SLC38A9: variants seen among roughly 807,000 people sequenced by gnomAD.
SLC38A9 encodes neutral amino acid transporter 9.
A neutral mutation model predicts 62.3 loss-of-function variants in SLC38A9; 48 were observed. That is an observed-to-expected ratio of 0.77 (90% confidence interval 0.61 to 0.98). The LOEUF (loss-of-function observed/expected upper bound fraction) is 0.98. SLC38A9 is among the 50% of genes least tolerant of loss of function. The pLI is 0.00. For missense variants in SLC38A9, 541 were observed against 679.8 expected (o/e 0.80, Z 2.27); for synonymous variants, 204 against 227.7 (o/e 0.90, Z 0.94).
chr5:55,635,357 T>C (rs1744183321), intron 13 of SLC38A9, 187 bp downstream of exon 13: 2 of 627,992 alleles, frequency 3.2e-6, no homozygotes, highest in Non-Finnish European at 5.7e-6. Flanking sequence ...TACTATTTAA[T>C]GGAAAAGAAA....
chr5:55,637,901 C>A (rs1332414222), intron 12 of SLC38A9, among the ~76,000 whole-genome samples: 1 of 152,028 alleles, frequency 6.6e-6, no homozygotes, highest in African/African-American at 2.4e-5. Context: ...TTTTTAGTTC[C>A]AAATTGCAGG....
Position 55,669,662 on chromosome 5 carries a change from C to T in SLC38A9, c.369-42G>A, listed in dbSNP as rs200559668. ...ATAGCAGTAAAAAAATGGAGTTTCACTCTTCAAACATTTTAATTGAGACAA... is the reference window on the plus strand; with the variant it reads ...ATAGCAGTAAAAAAATGGAGTTTCATTCTTCAAACATTTTAATTGAGACAA... On this transcript the variant is annotated intron_variant, in intron 5 of 15. Coordinates refer to ENST00000396865, the MANE Select transcript of SLC38A9 (RefSeq NM_173514.4). 7.3e-5 allele frequency: 116 copies of T among 1,592,136 alleles called. No homozygotes were observed. In the East Asian group the frequency reaches 1.5e-3, roughly 20 times the overall value.
intron 8 of SLC38A9, among the ~76,000 whole-genome samples, chr5:55,663,453 G>A (rs945742226): frequency 6.6e-6 from 1 of 151,888 alleles, no homozygotes; most frequent in Admixed American, 6.6e-5. Flanking sequence ...AAGATGCTTG[G>A]GGCCAGGTGC....
intron 12 of SLC38A9, among the ~76,000 whole-genome samples, chr5:55,638,242 T>G (rs1409384263): frequency 1.3e-5 from 2 of 152,140 alleles, no homozygotes; most frequent in African/African-American, 2.4e-5. Context: ...AGTATACACA[T>G]ATGTGGGCTT....
chr5:55,644,283 A>T (rs13188641), intron 12 of SLC38A9, among the ~76,000 whole-genome samples: 90,152 of 151,656 alleles, frequency 0.59, 27,424 homozygotes, highest in South Asian at 0.7. Context: ...TTAACTGCAG[A>T]GTCTTTTAAT....
At chr5:55,705,447 AAAAAG>A (rs1757164472) in intron 2 of SLC38A9, among the ~76,000 whole-genome samples, 1 of 150,906 alleles carries the variant, frequency 6.6e-6, no homozygotes, top group Non-Finnish European at 1.5e-5. Context: ...TACAAAAAAA[AAAAAG>A]AAAGAAAGAA....
intron 3 of SLC38A9, among the ~76,000 whole-genome samples, chr5:55,683,885 T>TAATCCC (rs1753388500): frequency 6.6e-6 from 1 of 152,226 alleles, no homozygotes; most frequent in East Asian, 1.9e-4. Context: ...TGTGCATACA[T>TAATCCC]TTTTACTGAT....
intron 12 of SLC38A9, among the ~76,000 whole-genome samples, chr5:55,639,309 T>C (rs1307078170): frequency 6.8e-6 from 1 of 146,960 alleles, no homozygotes; most frequent in Non-Finnish European, 1.5e-5. Context: ...AGAAATGATA[T>C]CCCATTTACA....
At chr5:55,666,966 G>A (rs1414794367) in intron 7 of SLC38A9, among the ~76,000 whole-genome samples, 1 of 152,032 alleles carries the variant, frequency 6.6e-6, no homozygotes, top group Non-Finnish European at 1.5e-5. Flanking sequence ...AGTAAGCTGA[G>A]ATCGCGCCAC....
At chr5:55,684,845 G>C (rs1753530058) in intron 3 of SLC38A9, among the ~76,000 whole-genome samples, 1 of 152,052 alleles carries the variant, frequency 6.6e-6, no homozygotes, top group Admixed American at 6.6e-5. Context: ...ATAGAGACAG[G>C]GTTTCACCAT....
At chr5:55,698,236 C>T (rs3761769) in intron 2 of SLC38A9, among the ~76,000 whole-genome samples, 82,964 of 151,672 alleles carry the variant, frequency 0.55, 23,998 homozygotes, top group South Asian at 0.65. Context: ...TTAGGCTATT[C>T]GGACTCATTT....
intron 8 of SLC38A9, among the ~76,000 whole-genome samples, chr5:55,658,533 G>C (rs1053992840): frequency 1.3e-5 from 2 of 152,192 alleles, no homozygotes; most frequent in African/African-American, 4.8e-5. Context: ...AGAAACTGGA[G>C]TGATGTACCT....
At chr5:55,652,483 C>T (rs373620287) in intron 10 of SLC38A9, 46 bp downstream of exon 10, 123 of 1,238,416 alleles carry the variant, frequency 9.9e-5, no homozygotes, top group African/African-American at 6.8e-4. Flanking sequence ...GACTCCACCA[C>T]GTATTCTATT....
At chr5:55,687,599 ATC>A (rs910068102) in intron 3 of SLC38A9, among the ~76,000 whole-genome samples, 3 of 152,110 alleles carry the variant, frequency 2.0e-5, no homozygotes, top group Non-Finnish European at 4.4e-5. Context: ...TGTCTGTGTC[ATC>A]TCTGATTTCT....
chr5:55,709,515 A>T (rs1757720180), intron 2 of SLC38A9, among the ~76,000 whole-genome samples: 1 of 151,988 alleles, frequency 6.6e-6, no homozygotes, highest in African/African-American at 2.4e-5. Context: ...CTAGGAGTTC[A>T]AGGTAACAGT....
At chr5:55,688,490 C>T (rs1754275552) in intron 3 of SLC38A9, among the ~76,000 whole-genome samples, 1 of 150,460 alleles carries the variant, frequency 6.6e-6, no homozygotes, top group South Asian at 2.1e-4. Flanking sequence ...CACCATTCTC[C>T]TGCCTCAGTC....
chr5:55,679,733 T>G (rs1334797863), intron 3 of SLC38A9, among the ~76,000 whole-genome samples: 4 of 152,276 alleles, frequency 2.6e-5, no homozygotes, highest in African/African-American at 9.6e-5. Context: ...CCACCACCAC[T>G]GCAACCACTC....
At chr5:55,684,610 T>C (rs1024492023) in intron 3 of SLC38A9, among the ~76,000 whole-genome samples, 2 of 152,214 alleles carry the variant, frequency 1.3e-5, no homozygotes, top group Admixed American at 1.3e-4. Context: ...CCTCTAGCCC[T>C]ATAGGCTGGC....
intron 8 of SLC38A9, among the ~76,000 whole-genome samples, chr5:55,659,651 G>A (rs1749110345): frequency 6.6e-6 from 1 of 152,166 alleles, no homozygotes; most frequent in African/African-American, 2.4e-5. Flanking sequence ...GCCTCCCAAA[G>A]TGCTGAGATT....
Sources: allele counts gnomAD v4.1 joint callset (sites outside exome capture counted in the v4.1 genomes callset), GRCh38; gene constraint gnomAD v4.1.1; transcripts MANE v1.5; gene names NCBI Gene and HGNC (gene_info 2026-07-23, HGNC 2026-07-21).